The following TTN variants were observed in gnomAD, a reference collection of about 807,000 sequenced individuals.
TTN encodes the protein titin.
A neutral mutation model predicts 3,223.0 loss-of-function variants in TTN; 1,525 were observed. That is an observed-to-expected ratio of 0.47 (90% CI 0.45 to 0.49). The LOEUF (loss-of-function observed/expected upper bound fraction) is 0.49. TTN is among the 20% of genes least tolerant of loss of function. The probability of loss-of-function intolerance (pLI) is 0.00; values close to 1 mark genes in which losing one functional copy is unlikely to be tolerated. For missense variants in TTN, 40,786 were observed against 43,424.0 expected (o/e 0.94, Z 5.40); for synonymous variants, 14,094 against 15,161.0 (o/e 0.93, Z 5.17).
chr2:178,718,979 T>C lies in TTN; in HGVS notation c.24227-6A>G, dbSNP rs1206267757. The C allele has an allele frequency of 3.1e-6, 5 of 1,590,196 alleles. No individual in the cohort carries two copies. The highest frequency in any genetic ancestry group is 4.3e-6 in the Non-Finnish European group (5 of 1,168,376). On this transcript the variant is annotated splice_region_variant and splice_polypyrimidine_tract_variant and intron_variant, in intron 83 of 362. Coordinates refer to ENST00000589042, the MANE Select transcript of TTN (RefSeq NM_001267550.2). Reference sequence around the variant, plus strand: ...TTGTTCAAAAGATGGTGGTTCTAGATATTGCAAGGCGGAAGGGGAGATAAA... The same window carrying C: ...TTGTTCAAAAGATGGTGGTTCTAGACATTGCAAGGCGGAAGGGGAGATAAA...
intron 250 of TTN, 40 bp downstream of exon 250, chr2:178,619,581 C>T (rs764564298): frequency 6.3e-7 from 1 of 1,596,372 alleles, no homozygotes; most frequent in East Asian, 2.2e-5. Flanking sequence ...AATCTAAACT[C>T]TGTGATATTG....
In TTN at chr2:178,621,192, G is replaced by A. The variant is rs61004744; in HGVS notation, c.45526C>T (p.Leu15176=). Residue 15176 remains leucine, a synonymous_variant, in exon 246 of 363, where the codon CTA becomes TTA. Transcript: ENST00000589042. Reference sequence around the variant, plus strand: ...TGTAATGTGGCATCTTTCACAACTAGGACCCTCTTTTTACCATCAGCAATA... The same window carrying A: ...TGTAATGTGGCATCTTTCACAACTAAGACCCTCTTTTTACCATCAGCAATA... The part of the protein sequence containing the change: ...DVIADGKKRV[L]VVKDATLQDM... 4.3e-3 allele frequency: 6,968 copies of A among 1,612,420 alleles called. 238 individuals are homozygous for A. In the African/African-American group the frequency reaches 0.079, roughly 18 times the overall value.
rs1451084974 is a variant in TTN at position 178,610,372 on chromosome 2, T to C, written c.51154A>G (p.Lys17052Glu). Reference sequence around the variant, plus strand: ...GTAATGTCACTTGCTTTAATATCTTTGCATGGTCCAGGTAGGCCTATTACA... The same window carrying C: ...GTAATGTCACTTGCTTTAATATCTTCGCATGGTCCAGGTAGGCCTATTACA... ...VKVIGLPGPC[K>E]DIKASDITKS... Residue 17052 changes from lysine to glutamate, a missense_variant, in exon 271 of 363, where the codon AAA (lysine) becomes GAA (glutamate). Lys to Glu is a moderately conservative substitution (Grantham distance 56). Transcript: ENST00000589042. 2 of 1,612,512 alleles carry C rather than the reference T, an allele frequency of 1.2e-6. No homozygotes were observed.
rs369532031 is a variant in TTN, at chr2:178,730,908, A to G, written c.17740+17T>C. ...CATGGAAATGCCCAATCCTCTCTGT[A>G]GAAGAACAATACCAACCTAATACAT... On this transcript the variant is annotated intron_variant, in intron 60 of 362. Coordinates refer to ENST00000589042, the MANE Select transcript of TTN (RefSeq NM_001267550.2). 2.4e-4 allele frequency: 372 copies of G among 1,572,802 alleles called. 2 individuals are homozygous for G. Among genetic ancestry groups the G allele is most frequent in the Middle Eastern group, 1.2e-3 (7 of 5,864 alleles).
intron 287 of TTN, 23 bp from the exon 288 acceptor site, chr2:178,601,194 T>C: frequency 6.6e-7 from 1 of 1,520,430 alleles, no homozygotes; most frequent in African/African-American, 1.4e-5. Flanking sequence ...TTAAAGGAAG[T>C]ATTAAGCGTT....
At chr2:178,737,245 T>C (rs2081629705) in intron 49 of TTN, 1 of 152,124 alleles carries the variant, frequency 6.6e-6, no homozygotes, top group African/African-American at 2.4e-5. Context: ...AAAGTCACCC[T>C]ACATATCAAT....
chr2:178,532,096 C>T lies in TTN; in HGVS notation c.104519G>A (p.Arg34840Gln), dbSNP rs199710082. 92 of 1,613,756 alleles carry T rather than the reference C, an allele frequency of 5.7e-5. No individual in the cohort carries two copies. In the African/African-American group the frequency reaches 6.1e-4, roughly 11 times the overall value. The change falls in exon 358 of 363, where the codon CGG becomes CAG. Residue 34840 changes from arginine (R) to glutamine (Q), a missense_variant. By Grantham distance (43) the Arg-to-Gln change is conservative. Coordinates refer to ENST00000589042, the MANE Select transcript of TTN (RefSeq NM_001267550.2). ...SSSASRLLRR[R>Q]RSLSPTYIEL... ...AATATAAGTTGGAGACAGGGAGCGC[C>T]GTCGTCTCAGTAGTCTAGACGCAGA... is the stretch of plus-strand genomic sequence containing the variant.
intron 90 of TTN, among the ~76,000 whole-genome samples, 191 bp downstream of exon 90, chr2:178,714,792 TACA>T (rs1267839627): frequency 2.0e-5 from 3 of 152,086 alleles, no homozygotes; most frequent in Non-Finnish European, 4.4e-5. Flanking sequence ...AAAACCTAAT[TACA>T]ACATTATCTA....
At position 178,549,009 on chromosome 2, in the gene TTN, C is replaced by T; in HGVS notation, c.92617G>A (p.Ala30873Thr). 6.2e-7 allele frequency: 1 copy of T among 1,613,904 alleles called. No individual in the cohort carries two copies. The highest frequency in any genetic ancestry group is 8.5e-7 in the Non-Finnish European group (1 of 1,179,832). ...TATCTTGTTTTCACACATGCCTCTG[C>T]ATTCACCTTGTGCCAGTCTCCTAAG... ...ADLGDWHKVN[A>T]EACVKTRYTV... is the part of the protein sequence containing the mutation. The change falls in exon 339 of 363, where the codon GCA becomes ACA. Residue 30873 changes from alanine (A) to threonine (T), a missense_variant. Coordinates refer to ENST00000589042, the MANE Select transcript of TTN (RefSeq NM_001267550.2).
intron 170 of TTN, 35 bp downstream of exon 170, chr2:178,663,784 A>G (rs1356978275): frequency 6.2e-7 from 1 of 1,611,308 alleles, no homozygotes; most frequent in Non-Finnish European, 8.5e-7. Flanking sequence ...AGAGCAAAAG[A>G]ATGAGATCTG....
chr2:178,766,664 T>C, intron 40 of TTN, 52 bp from the exon 41 acceptor site: 12 of 1,408,552 alleles, frequency 8.5e-6, no homozygotes, highest in Non-Finnish European at 1.2e-5. Context: ...AACTTGAAGC[T>C]CTGGTTTCCT....
At chr2:178,739,102 A>G in intron 48 of TTN, 39 bp downstream of exon 48, 1 of 1,483,018 alleles carries the variant, frequency 6.7e-7, no homozygotes, top group Non-Finnish European at 9.0e-7. Flanking sequence ...CAATCCAGTG[A>G]ATGTTAGCAT....
chr2:178,687,746 A>G (rs749585565), intron 127 of TTN, among the ~76,000 whole-genome samples: 1 of 152,238 alleles, frequency 6.6e-6, no homozygotes, highest in African/African-American at 2.4e-5. Flanking sequence ...AACACCAATT[A>G]GGCATTAGGC....
chr2:178,696,344 G>C (rs1326029021), intron 113 of TTN, 75 bp from the exon 114 acceptor site: 5 of 1,162,174 alleles, frequency 4.3e-6, no homozygotes, highest in South Asian at 1.9e-5. Context: ...AATCTACCTA[G>C]TTAAACAACA....
chr2:178,579,409 G>A lies in TTN; in HGVS notation c.67637-16C>T. 6.4e-7 allele frequency: 1 copy of A among 1,554,954 alleles called. No individual in the cohort carries two copies. On this transcript the variant is annotated splice_polypyrimidine_tract_variant and intron_variant, in intron 319 of 362. Coordinates refer to ENST00000589042, the MANE Select transcript of TTN (RefSeq NM_001267550.2). ...TCAGGAGCCACTGTAAAATAGCAGA[G>A]ATAAATTACTGTTATTTTTAAGGCC...
rs367868361 is a variant in TTN, at chr2:178,728,920, T to C, written c.19118A>G (p.Glu6373Gly). The C allele has an allele frequency of 7.4e-5, 119 of 1,609,256 alleles. No homozygotes were observed. Among genetic ancestry groups the C allele is most frequent in the Non-Finnish European group, 9.9e-5 (116 of 1,177,318 alleles). ...TACTAAAAGGAAAGCATAACACCTC[T>C]CAACTCCTGACTCATTCTTGGCTTG... The part of the protein sequence containing the change: ...TCQAKNESGV[E>G]RCYAFLLVQE... The change falls in exon 65 of 363, where the codon GAG becomes GGG. Residue 6373 changes from glutamate to glycine, a missense_variant. Transcript: ENST00000589042.
Position 178,605,694 on chromosome 2 carries a change from C to T in TTN, c.53601G>A (p.Glu17867=). The change falls in exon 279 of 363, where the codon GAG becomes GAA. Residue 17867 remains glutamate (E), a synonymous_variant. Coordinates refer to ENST00000589042, the MANE Select transcript of TTN (RefSeq NM_001267550.2). ...VDPLGPPTSP[E]RLTYTERTKS... is the part of the protein sequence containing the mutation. ...TTGTCCTTTCAGTGTATGTGAGCCT[C>T]TCTGGAGATGTTGGAGGACCTTTAG... 6.5e-7 allele frequency: 1 copy of T among 1,548,268 alleles called. No individual in the cohort carries two copies. The highest frequency in any genetic ancestry group is 8.7e-7 in the Non-Finnish European group (1 of 1,143,682).
Position 178,621,918 on chromosome 2 carries a change from T to G in TTN, c.45004A>C (p.Lys15002Gln), listed in dbSNP as rs1450027251. The G allele has an allele frequency of 6.2e-7, 1 of 1,612,172 alleles. No individual in the cohort carries two copies. The highest frequency in any genetic ancestry group is 8.5e-7 in the Non-Finnish European group (1 of 1,178,988). Residue 15002 changes from lysine (K) to glutamine (Q), a missense_variant, in exon 244 of 363, where the codon AAA (lysine) becomes CAA (glutamine). Transcript: ENST00000589042. ...TCAGCTTCATCATCCAGTAGACATT[T>G]GTTGATGACAAGAATGCGCACTGCT... ...KGAVRILVIN[K>Q]CLLDDEAEYS...
In TTN at chr2:178,614,752, C is replaced by G. The variant is rs1182551439; in HGVS notation, c.48762G>C (p.Glu16254Asp). ...TEEIQAVDTQ[E>D]APEIFLDVKL... is the part of the protein sequence containing the mutation. ...TCACATCGAGGAAGATTTCTGGGGC[C>G]TCTGAATTGGAAAAGATTATTTATG... is the stretch of plus-strand genomic sequence containing the variant. The change falls in exon 261 of 363, where the codon GAG becomes GAC. Residue 16254 changes from glutamate to aspartate, a missense_variant and splice_region_variant. Glu to Asp is a conservative substitution (Grantham distance 45). Transcript: ENST00000589042. The G allele has an allele frequency of 1.2e-6, 2 of 1,605,068 alleles. No homozygotes were observed. The highest frequency in any genetic ancestry group is 8.5e-7 in the Non-Finnish European group (1 of 1,175,666).
Sources: allele counts gnomAD v4.1 joint callset (sites outside exome capture counted in the v4.1 genomes callset), GRCh38; gene constraint gnomAD v4.1.1; transcripts MANE v1.5; gene names NCBI Gene and HGNC (gene_info 2026-07-23, HGNC 2026-07-21).